The following TMEM266 variants were observed in gnomAD, a reference collection of about 807,000 sequenced individuals.
TMEM266 encodes Hv1 related protein 1.
Under a neutral mutation model 50.5 loss-of-function variants are expected in TMEM266, and 33 were observed. The observed-to-expected ratio is 0.65, with a 90% CI of 0.50 to 0.87. The LOEUF (loss-of-function observed/expected upper bound fraction) is 0.87, where lower values mean the gene tolerates loss of function less well. TMEM266 is among the 40% of genes least tolerant of loss of function. The pLI is 0.00. For synonymous variants in TMEM266, 310 were observed against 292.3 expected (o/e 1.06, Z -0.62); for missense variants, 655 against 695.1 (o/e 0.94, Z 0.65).
intron 1 of TMEM266, among the ~76,000 whole-genome samples, chr15:76,066,806 C>G (rs556480198): frequency 6.6e-6 from 1 of 152,266 alleles, no homozygotes; most frequent in East Asian, 1.9e-4. Flanking sequence ...CTGGAAGCCA[C>G]AAAGGACCAT....
In TMEM266 at chr15:76,203,937, C is replaced by T. The variant is rs1380688779; in HGVS notation, c.1218C>T (p.Gly406=). Residue 406 remains glycine, a synonymous_variant, in exon 11 of 11, where the codon GGC becomes GGT. Coordinates refer to ENST00000388942, the MANE Select transcript of TMEM266 (RefSeq NM_152335.3). ...AGAGTGACAGCAGCCAGACGCTGGGCTCCTCCATGGACTGCAGCACTGCCC... is the reference window on the plus strand; with the variant it reads ...AGAGTGACAGCAGCCAGACGCTGGGTTCCTCCATGGACTGCAGCACTGCCC... 1 of 1,614,018 alleles carries T rather than the reference C, an allele frequency of 6.2e-7. No individual in the cohort carries two copies. The highest frequency in any genetic ancestry group is 8.5e-7 in the Non-Finnish European group (1 of 1,180,022).
rs554987730 is a variant in TMEM266, at chr15:76,153,874, C to T, written c.228-2730C>T. On this transcript the variant is annotated intron_variant, in intron 3 of 10. Coordinates refer to ENST00000388942, the MANE Select transcript of TMEM266 (RefSeq NM_152335.3). The surrounding 1 kb of genome is among the most constrained non-coding windows in gnomAD (Gnocchi z 4.2). Reference sequence around the variant, plus strand: ...GTTAATGGATGGAAGCGCTGTGCCGCTGGCACTGCTGCGGGCAGCAGCTTT... The same window carrying T: ...GTTAATGGATGGAAGCGCTGTGCCGTTGGCACTGCTGCGGGCAGCAGCTTT... Among the ~76,000 whole-genome samples the T allele has an allele frequency of 3.2e-3, 488 of 152,318 alleles. 1 individual carries two copies. Among genetic ancestry groups the T allele is most frequent in the African/African-American group, 0.011 (458 of 41,568 alleles).
At chr15:76,138,772 C>T (rs1467115138) in intron 3 of TMEM266, among the ~76,000 whole-genome samples, 1 of 152,242 alleles carries the variant, frequency 6.6e-6, no homozygotes, top group Non-Finnish European at 1.5e-5. Flanking sequence ...TCCTACTTAG[C>T]TTGTCAATCA....
intron 1 of TMEM266, among the ~76,000 whole-genome samples, chr15:76,116,883 T>C (rs1029672714): frequency 1.3e-5 from 2 of 151,458 alleles, no homozygotes; most frequent in Non-Finnish European, 2.9e-5. Flanking sequence ...TTACAAACAG[T>C]AAAGCATATC....
At position 76,153,067 on chromosome 15, in the gene TMEM266, A is replaced by G. The variant is rs949798713; in HGVS notation, c.228-3537A>G. Among the ~76,000 whole-genome samples, 8 of 151,504 alleles carry G rather than the reference A, an allele frequency of 5.3e-5. No homozygotes were observed. ...CAACTATGGGCTGACTTCAGACCAC[A>G]GGTAACTCCAGACGCCCACCTCCTG... is the stretch of plus-strand genomic sequence containing the variant. On this transcript the variant is annotated intron_variant, in intron 3 of 10. Transcript: ENST00000388942. This position sits in a 1 kb window ranked among gnomAD's most constrained non-coding sequence, Gnocchi z 4.2.
At position 76,061,211 on chromosome 15, in the gene TMEM266, G is replaced by A. The variant is rs547459452; in HGVS notation, c.-97+1195G>A. On this transcript the variant is annotated intron_variant, in intron 1 of 10. Transcript: ENST00000388942. Reference sequence around the variant, plus strand: ...GATGTTGGGATATGATAGCTGAACCGTAATTGCTTCTAAAATGGTCAGAGT... The same window carrying A: ...GATGTTGGGATATGATAGCTGAACCATAATTGCTTCTAAAATGGTCAGAGT... 4.6e-5 allele frequency among the ~76,000 whole-genome samples: 7 copies of A among 152,298 alleles called. No individual in the cohort carries two copies. In the South Asian group the frequency reaches 6.2e-4, roughly 14 times the overall value.
rs1180534538 is a variant in TMEM266 at position 76,079,771 on chromosome 15, CAAA to C, written c.-97+19772_-97+19774del. 4.0e-3 allele frequency among the ~76,000 whole-genome samples: 185 copies of C among 46,608 alleles called. 1 individual carries two copies. Among genetic ancestry groups the C allele is most frequent in the African/African-American group, 0.013 (171 of 12,776 alleles). The allele number at this position is 46,608 out of a possible 152,430, so 30.6% of individuals were successfully genotyped here. A position where few individuals can be genotyped will look rare whatever the true frequency, so the allele number is the denominator to read the frequency against. On this transcript the variant is annotated intron_variant, in intron 1 of 10. Coordinates refer to ENST00000388942, the MANE Select transcript of TMEM266 (RefSeq NM_152335.3). Reference sequence around the variant, plus strand: ...CCTAGGACAGAGCGAGACTCTGTCTCAAAAAAAAAAAAAAAAAAATCCACATTC... The same window carrying C: ...CCTAGGACAGAGCGAGACTCTGTCTCAAAAAAAAAAAAAAAATCCACATTC...
intron 1 of TMEM266, among the ~76,000 whole-genome samples, chr15:76,105,898 C>T (rs1256874240): frequency 6.6e-6 from 1 of 152,120 alleles, no homozygotes; most frequent in Non-Finnish European, 1.5e-5. Context: ...TGTCAATGGC[C>T]AGTTTTATTA....
Position 76,204,306 on chromosome 15 carries a change from T to C in TMEM266, c.1587T>C (p.Pro529=). Residue 529 remains proline (P), a synonymous_variant, in exon 11 of 11, where the codon CCT becomes CCC. Transcript: ENST00000388942. ...AAGAGCAAAAGCTGCACAGGGTCCC[T>C]GAGGCCTAGAGCCTGCCATGGGCTG... The C allele has an allele frequency of 6.2e-7, 1 of 1,606,590 alleles. No individual in the cohort carries two copies. Among genetic ancestry groups the C allele is most frequent in the Non-Finnish European group, 8.5e-7 (1 of 1,174,832 alleles).
intron 1 of TMEM266, among the ~76,000 whole-genome samples, chr15:76,128,939 G>A (rs1317511765): frequency 6.6e-6 from 1 of 152,076 alleles, no homozygotes; most frequent in African/African-American, 2.4e-5. Flanking sequence ...ACAACCATAA[G>A]CACCTCACTG....
chr15:76,104,623 G>A (rs2037054610), intron 1 of TMEM266, among the ~76,000 whole-genome samples: 1 of 151,584 alleles, frequency 6.6e-6, no homozygotes, highest in Non-Finnish European at 1.5e-5. Flanking sequence ...TGGAGACGCT[G>A]CAGATAAGAG....
intron 1 of TMEM266, among the ~76,000 whole-genome samples, chr15:76,082,038 C>G (rs1425372581): frequency 1.3e-5 from 2 of 152,128 alleles, no homozygotes; most frequent in African/African-American, 4.8e-5. Flanking sequence ...ATGTCAGAAC[C>G]GTATTTCCAT....
chr15:76,135,486 T>C (rs76258432), intron 2 of TMEM266, among the ~76,000 whole-genome samples: 2 of 152,250 alleles, frequency 1.3e-5, no homozygotes, highest in East Asian at 1.9e-4. Flanking sequence ...ATTTCTCTTA[T>C]TGATCAGAAA....
chr15:76,100,159 C>T (rs560438595), intron 1 of TMEM266, among the ~76,000 whole-genome samples: 1 of 152,240 alleles, frequency 6.6e-6, no homozygotes, highest in East Asian at 1.9e-4. Context: ...GCAGGAGATA[C>T]TCACCCAAGT....
At chr15:76,095,997 T>G (rs1003574308) in intron 1 of TMEM266, among the ~76,000 whole-genome samples, 1 of 151,968 alleles carries the variant, frequency 6.6e-6, no homozygotes, top group Non-Finnish European at 1.5e-5. Context: ...TCTATTTGAT[T>G]CTTTCTTTTC....
chr15:76,083,812 G>C (rs1009516379), intron 1 of TMEM266, among the ~76,000 whole-genome samples: 30 of 152,262 alleles, frequency 2.0e-4, no homozygotes, highest in African/African-American at 7.0e-4. Context: ...TCTGTCCGGT[G>C]GTGGGCCATC....
intron 9 of TMEM266, among the ~76,000 whole-genome samples, chr15:76,194,533 C>G (rs1434099068): frequency 6.6e-6 from 1 of 152,208 alleles, no homozygotes; most frequent in Non-Finnish European, 1.5e-5. Flanking sequence ...CAAAATGCCA[C>G]AGACTGGCTA....
intron 1 of TMEM266, among the ~76,000 whole-genome samples, chr15:76,063,700 G>A (rs1442042352): frequency 6.6e-6 from 1 of 152,172 alleles, no homozygotes; most frequent in Non-Finnish European, 1.5e-5. Context: ...CCAAAGGGCA[G>A]GGGTTCTGTG....
intron 3 of TMEM266, among the ~76,000 whole-genome samples, 172 bp downstream of exon 3, chr15:76,138,067 C>A (rs1213135921): frequency 1.3e-5 from 2 of 151,918 alleles, no homozygotes; most frequent in African/African-American, 4.8e-5. Flanking sequence ...ACTAAAAATA[C>A]AAAAATTAGC....
Sources: allele counts gnomAD v4.1 joint callset (sites outside exome capture counted in the v4.1 genomes callset), GRCh38; gene constraint gnomAD v4.1.1; non-coding constraint Gnocchi (gnomAD v3.1); transcripts MANE v1.5; gene names NCBI Gene and HGNC (gene_info 2026-07-23, HGNC 2026-07-21).